Variants in MCM9 observed in about 807,000 individuals in gnomAD.
MCM9 encodes the protein minichromosome maintenance 9 homologous recombination repair factor.
A neutral mutation model predicts 72.8 loss-of-function variants in MCM9; 55 were observed. That is an observed-to-expected ratio of 0.76 (90% CI 0.61 to 0.95). MCM9 has a LOEUF of 0.95. Ranked by LOEUF, MCM9 falls within the 40% of genes least tolerant of loss-of-function variation. The pLI, the probability that MCM9 is intolerant of heterozygous loss-of-function variation, is 0.00. For missense variants in MCM9, 1,279 were observed against 1,377.0 expected, an observed-to-expected ratio of 0.93 and a Z score of 1.13; for synonymous variants, 480 against 503.4, an observed-to-expected ratio of 0.95 and a Z score of 0.62.
chr6:118,814,776 C>T lies in MCM9; in HGVS notation c.*48G>A. 6.9e-7 allele frequency: 1 copy of T among 1,452,000 alleles called. No individual in the cohort carries two copies. Among genetic ancestry groups the T allele is most frequent in the Non-Finnish European group, 9.1e-7 (1 of 1,097,442 alleles). 89.9% of individuals were successfully genotyped at this position (1,452,000 alleles called of 1,614,324 possible). The stretch of plus-strand genomic sequence containing the variant: ...ATACCATATTGATATCCTGAAGGTC[C>T]TCTGTGGAGTTGAAGAAGGTGAGAT... On this transcript the variant is annotated 3_prime_UTR_variant, in exon 14 of 14. Coordinates refer to ENST00000619706, the MANE Select transcript of MCM9 (RefSeq NM_017696.3).
intron 9 of MCM9, among the ~76,000 whole-genome samples, chr6:118,841,126 G>C (rs1490078028): frequency 6.6e-6 from 1 of 152,156 alleles, no homozygotes; most frequent in African/African-American, 2.4e-5. Context: ...AACAGTAATG[G>C]GATTTACAAG....
rs921919241 is a variant in MCM9 at position 118,935,035 on chromosome 6, C to G, written c.-294G>C. On this transcript the variant is annotated 5_prime_UTR_variant, in exon 1 of 14. Coordinates refer to ENST00000619706, the MANE Select transcript of MCM9 (RefSeq NM_017696.3). ...TGCACGTGGCCGCTCGAGGCGCCAC[C>G]GGCCGCGGGGACGCGCGGGCTGTGT... 1 of 152,060 alleles carries G rather than the reference C, an allele frequency of 6.6e-6. No homozygotes were observed. The highest frequency in any genetic ancestry group is 1.5e-5 in the Non-Finnish European group (1 of 68,016). The allele number at this position is 152,060 out of a possible 1,614,324, so 9.4% of individuals were successfully genotyped here.
chr6:118,933,363 G>T (rs1782600076), intron 1 of MCM9, among the ~76,000 whole-genome samples: 1 of 151,624 alleles, frequency 6.6e-6, no homozygotes, highest in Non-Finnish European at 1.5e-5. Flanking sequence ...AAAATTAGCT[G>T]GGCGTGGTGG....
chr6:118,866,061 C>T (rs139761842), intron 8 of MCM9, among the ~76,000 whole-genome samples: 1,574 of 152,342 alleles, frequency 0.01, 29 homozygotes, highest in African/African-American at 0.036. Flanking sequence ...TTTCCAGCTA[C>T]ATCTAAGATA....
At chr6:118,910,547 G>T (rs921008781) in intron 8 of MCM9, 33 of 899,568 alleles carry the variant, frequency 3.7e-5, no homozygotes, top group Non-Finnish European at 5.3e-6. Flanking sequence ...AGATGGCTTG[G>T]ACTCATTTCT....
chr6:118,831,127 T>A (rs1401921429), intron 9 of MCM9, among the ~76,000 whole-genome samples: 1 of 151,952 alleles, frequency 6.6e-6, no homozygotes, highest in Non-Finnish European at 1.5e-5. Flanking sequence ...ATCATGCTGG[T>A]GGATCGCCAG....
intron 8 of MCM9, among the ~76,000 whole-genome samples, chr6:118,892,118 C>T (rs575925567): frequency 6.6e-6 from 1 of 152,266 alleles, no homozygotes; most frequent in Admixed American, 6.5e-5. Flanking sequence ...TCGGTCTCTC[C>T]TGGAGTAAGG....
At chr6:118,859,348 T>C (rs932420337) in intron 8 of MCM9, among the ~76,000 whole-genome samples, 1 of 152,220 alleles carries the variant, frequency 6.6e-6, no homozygotes, top group Non-Finnish European at 1.5e-5. Context: ...GTGAATTCTT[T>C]TGGTTTCCAG....
At chr6:118,825,746 C>A (rs889325521) in intron 13 of MCM9, among the ~76,000 whole-genome samples, 2 of 152,142 alleles carry the variant, frequency 1.3e-5, no homozygotes, top group East Asian at 1.9e-4. Context: ...TGTTTCTTCC[C>A]ATGTATCCTC....
intron 9 of MCM9, among the ~76,000 whole-genome samples, chr6:118,836,479 C>T (rs1583379164): frequency 6.6e-6 from 1 of 152,100 alleles, no homozygotes; most frequent in African/African-American, 2.4e-5. Flanking sequence ...TGGTACTGGG[C>T]TTTTTTGGGT....
chr6:118,920,202 G>A (rs991535881), intron 5 of MCM9: 20 of 152,200 alleles, frequency 1.3e-4, no homozygotes, highest in Admixed American at 4.6e-4. Flanking sequence ...TTAAAATCTA[G>A]TCCTATATGA....
chr6:118,844,413 C>T (rs1379697505), intron 9 of MCM9, among the ~76,000 whole-genome samples: 1 of 151,460 alleles, frequency 6.6e-6, no homozygotes, highest in East Asian at 1.9e-4. Context: ...TTCACTGGTT[C>T]CCACCACCAA....
intron 9 of MCM9, among the ~76,000 whole-genome samples, chr6:118,838,905 T>C (rs1775160919): frequency 6.6e-6 from 1 of 152,204 alleles, no homozygotes; most frequent in African/African-American, 2.4e-5. Flanking sequence ...CAATTATGTG[T>C]TTCAGGGTTG....
chr6:118,899,877 A>T (rs1779684269), intron 8 of MCM9, among the ~76,000 whole-genome samples: 1 of 152,186 alleles, frequency 6.6e-6, no homozygotes, highest in Non-Finnish European at 1.5e-5. Context: ...AGTGCAAAAT[A>T]CCCAAAGAAG....
At chr6:118,857,626 CAAAAAAAAAAAA>C (rs1203197065) in intron 8 of MCM9, among the ~76,000 whole-genome samples, 7 of 70,968 alleles carry the variant, frequency 9.9e-5, no homozygotes, top group Non-Finnish European at 1.9e-4. Flanking sequence ...CCAGACTGAC[CAAAAAAAAAAAA>C]AAAAAAAAAA....
At chr6:118,894,616 G>C (rs369241086) in intron 8 of MCM9, 46 of 1,078,602 alleles carry the variant, frequency 4.3e-5, no homozygotes, top group Middle Eastern at 5.4e-4. Context: ...GGCTGTGTTC[G>C]GCGCCTGGCG....
Position 118,826,882 on chromosome 6 carries a change from A to G in MCM9, c.1733-18T>C, listed in dbSNP as rs1774203846. On this transcript the variant is annotated intron_variant, in intron 11 of 13. Coordinates refer to ENST00000619706, the MANE Select transcript of MCM9 (RefSeq NM_017696.3). Reference sequence around the variant, plus strand: ...AGCATGAGCTAAGAAAACAAAACACATTTGTTTTTTAGGAATATTTGAGGT... The same window carrying G: ...AGCATGAGCTAAGAAAACAAAACACGTTTGTTTTTTAGGAATATTTGAGGT... 2 of 1,537,110 alleles carry G rather than the reference A, an allele frequency of 1.3e-6. No homozygotes were observed. The highest frequency in any genetic ancestry group is 1.4e-5 in the African/African-American group (1 of 72,630).
At chr6:118,857,936 A>G (rs1776668939) in intron 8 of MCM9, among the ~76,000 whole-genome samples, 1 of 152,180 alleles carries the variant, frequency 6.6e-6, no homozygotes, top group African/African-American at 2.4e-5. Context: ...TTTGAGAAAT[A>G]ATGTCAATGC....
chr6:118,910,699 A>T lies in MCM9; in HGVS notation c.1150+951T>A, dbSNP rs116827743. 8.0e-4 allele frequency: 788 copies of T among 985,362 alleles called. 7 individuals are homozygous for T. In the African/African-American group the frequency reaches 0.013, roughly 16 times the overall value. The allele number at this position is 985,362 out of a possible 1,614,324, so 61.0% of individuals were successfully genotyped here. On this transcript the variant is annotated intron_variant, in intron 8 of 13. Transcript: ENST00000619706. ...AACGCATGGGAAATATTCTTTATAT[A>T]TTCTTGCCTAGTATCCTGAAGTTTG...
Sources: allele counts gnomAD v4.1 joint callset (sites outside exome capture counted in the v4.1 genomes callset), GRCh38; gene constraint gnomAD v4.1.1; transcripts MANE v1.5; gene names NCBI Gene and HGNC (gene_info 2026-07-23, HGNC 2026-07-21).